The following SLC35F1 variants were observed in gnomAD, a reference collection of about 807,000 sequenced individuals.
SLC35F1 encodes chromosome 6 open reading frame 169.
A neutral mutation model predicts 48.7 loss-of-function variants in SLC35F1; 14 were observed. The observed-to-expected ratio is 0.29, with a 90% CI of 0.19 to 0.45. The LOEUF (loss-of-function observed/expected upper bound fraction) is 0.45. Ranked by LOEUF, SLC35F1 falls within the 20% of genes least tolerant of loss-of-function variation. The pLI is 1.00. For synonymous variants in SLC35F1, 190 were observed against 202.2 expected (o/e 0.94, Z 0.51); for missense variants, 404 against 500.0 (o/e 0.81, Z 1.83).
intron 1 of SLC35F1, among the ~76,000 whole-genome samples, chr6:118,136,849 A>G (rs900942164): frequency 6.6e-6 from 1 of 152,186 alleles, no homozygotes; most frequent in African/African-American, 2.4e-5. Context: ...CTGTAAGAAA[A>G]CATTTTATGA....
Position 118,085,487 on chromosome 6 carries a change from C to CTTTTTTTTT in SLC35F1, c.174-68938_174-68930dup, listed in dbSNP as rs59548308. On this transcript the variant is annotated intron_variant, in intron 1 of 7. Coordinates refer to ENST00000360388, the MANE Select transcript of SLC35F1 (RefSeq NM_001029858.4). The stretch of plus-strand genomic sequence containing the variant: ...TTTTCTCTTTTTTTTTCTTTCTTTC[C>CTTTTTTTTT]TTTTTTTTTTTTTTTTTTTTTTTTT... Among the ~76,000 whole-genome samples the CTTTTTTTTT allele has an allele frequency of 2.7e-3, 153 of 56,958 alleles. 26 individuals are homozygous for CTTTTTTTTT. Among genetic ancestry groups the CTTTTTTTTT allele is most frequent in the Admixed American group, 3.5e-3 (11 of 3,126 alleles). The allele number at this position is 56,958 out of a possible 152,430, so 37.4% of individuals were successfully genotyped here. A position where few individuals can be genotyped will look rare whatever the true frequency, so the allele number is the denominator to read the frequency against.
chr6:118,309,731 A>C (rs2114670309), intron 7 of SLC35F1, among the ~76,000 whole-genome samples: 1 of 152,338 alleles, frequency 6.6e-6, no homozygotes, highest in Admixed American at 6.5e-5. Flanking sequence ...TTAAATGCCA[A>C]AAATAAAATG....
In SLC35F1 at chr6:117,965,369, C is replaced by T. The variant is rs550963840; in HGVS notation, c.173+57470C>T. Among the ~76,000 whole-genome samples, 43 of 152,324 alleles carry T rather than the reference C, an allele frequency of 2.8e-4. No individual in the cohort carries two copies. The East Asian group carries it at 5.0e-3, about 18-fold the overall frequency. ...AGTGGTAGGAGCAAACATTGAGCTA[C>T]TGGCAAGCCTTTTTTCAGGCCTACC... On this transcript the variant is annotated intron_variant, in intron 1 of 7. Coordinates refer to ENST00000360388, the MANE Select transcript of SLC35F1 (RefSeq NM_001029858.4).
rs116761958 is a variant in SLC35F1 at position 118,251,521 on chromosome 6, G to A, written c.478-15474G>A. On this transcript the variant is annotated intron_variant, in intron 3 of 7. Transcript: ENST00000360388. ...AGAAGATGAAAAAGTACCTAATGAC[G>A]GATCACAAAGGGACTGACTTATAAG... 5.1e-3 allele frequency among the ~76,000 whole-genome samples: 774 copies of A among 152,186 alleles called. 8 individuals are homozygous for A. Among genetic ancestry groups the A allele is most frequent in the African/African-American group, 0.018 (740 of 41,528 alleles).
intron 1 of SLC35F1, among the ~76,000 whole-genome samples, chr6:118,088,328 G>T (rs1477634955): frequency 1.3e-5 from 2 of 152,134 alleles, no homozygotes; most frequent in Non-Finnish European, 2.9e-5. Flanking sequence ...TTCCATCCCT[G>T]GCACTGTGTA....
chr6:118,142,906 G>A (rs1165429101), intron 1 of SLC35F1, among the ~76,000 whole-genome samples: 7 of 152,094 alleles, frequency 4.6e-5, no homozygotes, highest in African/African-American at 1.7e-4. Flanking sequence ...GAAAGCAAAG[G>A]CCAGATATCT....
At chr6:118,286,915 C>T (rs575223116) in intron 7 of SLC35F1, among the ~76,000 whole-genome samples, 1 of 152,200 alleles carries the variant, frequency 6.6e-6, no homozygotes, top group Non-Finnish European at 1.5e-5. Flanking sequence ...CCAGAACTTA[C>T]TCATTTTATA....
chr6:118,301,673 A>C (rs1250490304), intron 7 of SLC35F1, among the ~76,000 whole-genome samples: 1 of 152,222 alleles, frequency 6.6e-6, no homozygotes, highest in Non-Finnish European at 1.5e-5. Flanking sequence ...AGCTATAGAT[A>C]TAGATATATT....
intron 1 of SLC35F1, among the ~76,000 whole-genome samples, chr6:117,994,577 A>G (rs1006427618): frequency 2.6e-5 from 4 of 152,170 alleles, no homozygotes; most frequent in Non-Finnish European, 5.9e-5. Flanking sequence ...GCCCTATTTT[A>G]TAAGTGAAGA....
intron 1 of SLC35F1, among the ~76,000 whole-genome samples, chr6:118,069,992 C>T (rs1247731551): frequency 6.6e-6 from 1 of 150,850 alleles, no homozygotes; most frequent in African/African-American, 2.4e-5. Context: ...AAAAATTAGC[C>T]GGGCGCGGTG....
chr6:118,191,417 T>G (rs73766463), intron 2 of SLC35F1, among the ~76,000 whole-genome samples: 20 of 152,220 alleles, frequency 1.3e-4, no homozygotes, highest in Admixed American at 2.6e-4. Flanking sequence ...AGTCTCATGA[T>G]TGTAGAGAAG....
chr6:118,106,443 T>C (rs1189285113), intron 1 of SLC35F1, among the ~76,000 whole-genome samples: 1 of 152,154 alleles, frequency 6.6e-6, no homozygotes, highest in South Asian at 2.1e-4. Flanking sequence ...CTTGTTTCTC[T>C]TTTTCTTACC....
At position 117,907,610 on chromosome 6, in the gene SLC35F1, ACCGCCTCCCGGGCCGCGGCCGC is replaced by A. The variant is rs1775705209; in HGVS notation, c.-113_-92del. ...CCCGCCTCACCGCTTCGCAGGCAGCACCGCCTCCCGGGCCGCGGCCGCCCGGCCGGGTCCTCTGCGCGTTCCC... is the reference window on the plus strand; with the variant it reads ...CCCGCCTCACCGCTTCGCAGGCAGCACCGGCCGGGTCCTCTGCGCGTTCCC... On this transcript the variant is annotated 5_prime_UTR_variant, in exon 1 of 8. Transcript: ENST00000360388. The A allele has an allele frequency of 1.9e-6, 1 of 518,540 alleles. No homozygotes were observed. Among genetic ancestry groups the A allele is most frequent in the East Asian group, 3.8e-5 (1 of 26,656 alleles). 32.1% of individuals were successfully genotyped at this position (518,540 alleles called of 1,614,324 possible).
intron 3 of SLC35F1, among the ~76,000 whole-genome samples, chr6:118,251,192 G>A (rs1215446145): frequency 6.6e-6 from 1 of 152,158 alleles, no homozygotes; most frequent in Non-Finnish European, 1.5e-5. Context: ...GAAGGCTGGG[G>A]TGGGAGGATC....
At chr6:118,267,417 A>G (rs4079827) in intron 4 of SLC35F1, among the ~76,000 whole-genome samples, 6,078 of 152,240 alleles carry the variant, frequency 0.04, 420 homozygotes, top group African/African-American at 0.14. Flanking sequence ...AGTGTTTAAA[A>G]CTGAGAGTCA....
At chr6:118,107,655 G>A (rs1455628522) in intron 1 of SLC35F1, among the ~76,000 whole-genome samples, 1 of 152,040 alleles carries the variant, frequency 6.6e-6, no homozygotes, top group Non-Finnish European at 1.5e-5. Flanking sequence ...AAATAAAAAA[G>A]GCTATCAAAA....
chr6:117,918,216 G>A (rs947489762), intron 1 of SLC35F1, among the ~76,000 whole-genome samples: 1 of 152,108 alleles, frequency 6.6e-6, no homozygotes, highest in Admixed American at 6.5e-5. Flanking sequence ...TGTAAGGAGA[G>A]TCTTTTAATG....
In SLC35F1 at chr6:118,285,214, T is replaced by C; in HGVS notation, c.878T>C (p.Met293Thr). 6.2e-7 allele frequency: 1 copy of C among 1,613,944 alleles called. No homozygotes were observed. The highest frequency in any genetic ancestry group is 8.5e-7 in the Non-Finnish European group (1 of 1,179,864). ...CTCTACGTTGGCTTTAGTGCCTGCA[T>C]GTTTGGTCTCTACAGCTTTATGCCA... Reference protein sequence around the residue: ...GLLYVGFSACMFGLYSFMPVV... With the variant: ...GLLYVGFSACTFGLYSFMPVV... The change falls in exon 7 of 8, where the codon ATG becomes ACG. Residue 293 changes from methionine to threonine, a missense_variant. Physicochemically the swap from Met to Thr is moderately conservative, Grantham distance 81. Coordinates refer to ENST00000360388, the MANE Select transcript of SLC35F1 (RefSeq NM_001029858.4).
chr6:118,174,533 G>C (rs1029464950), intron 2 of SLC35F1, among the ~76,000 whole-genome samples: 1 of 152,056 alleles, frequency 6.6e-6, no homozygotes, highest in Non-Finnish European at 1.5e-5. Flanking sequence ...AAGAAAAACA[G>C]AATGGAATAT....
Sources: gnomAD v4.1 joint callset for allele counts (sites outside exome capture counted in the v4.1 genomes callset) on GRCh38, gnomAD v4.1.1 for gene constraint, MANE v1.5 for transcripts, NCBI Gene and HGNC (gene_info 2026-07-23, HGNC 2026-07-21) for gene names.